The following CCDC171 variants were observed in gnomAD, a reference collection of about 807,000 sequenced individuals.
The protein encoded by CCDC171 is coiled-coil domain containing 171, also known as coiled-coil domain-containing protein 171.
In CCDC171, 177 loss-of-function variants were observed where a neutral mutation model predicts 168.2. The observed-to-expected ratio is 1.05, with a 90% CI of 0.93 to 1.19. The LOEUF is 1.19. Among genes scored for constraint, CCDC171 ranks in the 50% most tolerant of loss-of-function variants. CCDC171 has a pLI of 0.00. For missense variants in CCDC171, 1,991 were observed against 1,539.0 expected (o/e 1.29, Z -4.91); for synonymous variants, 687 against 540.8 (o/e 1.27, Z -3.75).
chr9:15,760,146 T>G (rs899419683), intron 18 of CCDC171, among the ~76,000 whole-genome samples: 23 of 152,176 alleles, frequency 1.5e-4, no homozygotes, highest in Non-Finnish European at 8.8e-5. Context: ...GAGAACTTGC[T>G]AAAAATTTAA....
At chr9:15,654,222 A>G (rs1198784208) in intron 7 of CCDC171, among the ~76,000 whole-genome samples, 9 of 152,120 alleles carry the variant, frequency 5.9e-5, no homozygotes, top group Admixed American at 4.6e-4. Context: ...AACCAAAACT[A>G]TTTTCTAGTA....
chr9:15,965,389 G>A (rs1051619422), intron 25 of CCDC171, among the ~76,000 whole-genome samples: 2 of 152,104 alleles, frequency 1.3e-5, no homozygotes, highest in Admixed American at 6.5e-5. Flanking sequence ...TATCTTCTTT[G>A]GGCAACATGG....
At chr9:15,660,955 C>T (rs551666806) in intron 8 of CCDC171, among the ~76,000 whole-genome samples, 1 of 152,308 alleles carries the variant, frequency 6.6e-6, no homozygotes, top group African/African-American at 2.4e-5. Context: ...ATAAACATTT[C>T]CTTTTCTCAG....
intron 7 of CCDC171, among the ~76,000 whole-genome samples, chr9:15,642,113 A>T (rs1474252710): frequency 6.6e-6 from 1 of 151,686 alleles, no homozygotes; most frequent in Admixed American, 6.6e-5. Flanking sequence ...GTGAGCTGAG[A>T]TTGCACCACT....
At chr9:15,676,272 G>A (rs560725248) in intron 9 of CCDC171, among the ~76,000 whole-genome samples, 15 of 151,994 alleles carry the variant, frequency 9.9e-5, no homozygotes, top group Non-Finnish European at 1.0e-4. Context: ...TTAGCCGTTC[G>A]CCTGACCTTT....
At chr9:16,048,387 T>G (rs1833694801) in intron 1 of CCDC171, among the ~76,000 whole-genome samples, 2 of 152,154 alleles carry the variant, frequency 1.3e-5, no homozygotes, top group South Asian at 4.1e-4. Flanking sequence ...GCAGGTTGCC[T>G]TGGAAGGTCC....
At chr9:16,094,708 C>G in the CCDC171 span, among the ~76,000 whole-genome samples, 2 of 152,130 alleles carry the variant, frequency 1.3e-5, no homozygotes, top group Non-Finnish European at 2.9e-5. Flanking sequence ...TTCTACAAAA[C>G]TAATATTAAA....
At chr9:15,920,074 C>G (rs1300263910) in intron 24 of CCDC171, among the ~76,000 whole-genome samples, 196 bp from the exon 25 acceptor site, 1 of 151,642 alleles carries the variant, frequency 6.6e-6, no homozygotes, top group African/African-American at 2.4e-5. Context: ...AATGAAGTCT[C>G]AATTATTTTC....
intron 24 of CCDC171, among the ~76,000 whole-genome samples, chr9:15,910,426 A>G (rs543564957): frequency 7.1e-4 from 108 of 152,088 alleles, no homozygotes; most frequent in African/African-American, 2.5e-3. Context: ...ATTGATCTGT[A>G]TGTCTGTTTT....
intron 9 of CCDC171, among the ~76,000 whole-genome samples, chr9:15,672,704 G>T (rs543921029): frequency 6.6e-6 from 1 of 152,204 alleles, no homozygotes; most frequent in South Asian, 2.1e-4. Context: ...TGTTCCATTG[G>T]TCTATATATC....
intron 3 of CCDC171, among the ~76,000 whole-genome samples, chr9:15,990,460 A>G (rs1326751525): frequency 6.6e-6 from 1 of 152,238 alleles, no homozygotes; most frequent in East Asian, 1.9e-4. Flanking sequence ...AGTACCAGCC[A>G]CTGCAAAAAC....
At chr9:15,992,898 G>C (rs1422329178) in intron 3 of CCDC171, among the ~76,000 whole-genome samples, 2 of 152,082 alleles carry the variant, frequency 1.3e-5, no homozygotes, top group African/African-American at 4.8e-5. Flanking sequence ...GGATGTGAAG[G>C]ACCTCTTCAT....
chr9:15,902,440 T>C (rs561671065), intron 24 of CCDC171, among the ~76,000 whole-genome samples: 1 of 152,322 alleles, frequency 6.6e-6, no homozygotes, highest in Non-Finnish European at 1.5e-5. Flanking sequence ...AGGCAAAATT[T>C]AAATTACAAC....
At chr9:15,813,372 A>G (rs1043803488) in intron 21 of CCDC171, among the ~76,000 whole-genome samples, 3 of 152,234 alleles carry the variant, frequency 2.0e-5, no homozygotes, top group Non-Finnish European at 4.4e-5. Flanking sequence ...GGTGACAACT[A>G]AACACCAGTC....
intron 21 of CCDC171, among the ~76,000 whole-genome samples, chr9:15,809,819 G>T (rs1295203105): frequency 1.3e-5 from 2 of 152,190 alleles, no homozygotes; most frequent in African/African-American, 4.8e-5. Context: ...CGAACGGGTT[G>T]CCACTGCTGC....
rs1396495723 is a variant in CCDC171, at chr9:15,744,639, A to G, written c.2416A>G (p.Ile806Val). 1 of 1,614,178 alleles carries G rather than the reference A, an allele frequency of 6.2e-7. No homozygotes were observed. Among genetic ancestry groups the G allele is most frequent in the Admixed American group, 1.7e-5 (1 of 60,018 alleles). Residue 806 changes from isoleucine (I) to valine (V), a missense_variant, in exon 17 of 26, where the codon ATT (isoleucine) becomes GTT (valine). Physicochemically the swap from Ile to Val is conservative, Grantham distance 29. Transcript: ENST00000380701. ...GATACGTATATTTCGGAAAGGTGTT[A>G]TTGCTGTTTTGGCAGCAAACAGACT... ...GLIRIFRKGV[I>V]AVLAANRLKI...
At chr9:15,943,328 T>G (rs1183946363) in intron 25 of CCDC171, among the ~76,000 whole-genome samples, 1 of 152,016 alleles carries the variant, frequency 6.6e-6, no homozygotes, top group Non-Finnish European at 1.5e-5. Flanking sequence ...ATTTATGATT[T>G]AGAACTTATG....
In CCDC171 at chr9:15,563,876, C is replaced by T. The variant is rs1390302162; in HGVS notation, c.-111-102C>T. 3 of 508,186 alleles carry T rather than the reference C, an allele frequency of 5.9e-6. No homozygotes were observed. In the Admixed American group the frequency reaches 1.1e-4, roughly 19 times the overall value. 31.5% of individuals were successfully genotyped at this position (508,186 alleles called of 1,614,324 possible). A position where few individuals can be genotyped will look rare whatever the true frequency, so the allele number is the denominator to read the frequency against. ...ATATCTCTATACACCTACAATTTCA[C>T]TTATCAATTATTACATCTTTCCAAA... On this transcript the variant is annotated intron_variant, in intron 1 of 25. Coordinates refer to ENST00000380701, the MANE Select transcript of CCDC171 (RefSeq NM_173550.4).
At chr9:15,784,968 A>C (rs1281185127) in intron 21 of CCDC171, among the ~76,000 whole-genome samples, 1 of 152,070 alleles carries the variant, frequency 6.6e-6, no homozygotes, top group African/African-American at 2.4e-5. Flanking sequence ...ATTAACAATA[A>C]ATTTTTGTTT....
Sources: gnomAD v4.1 joint callset for allele counts (sites outside exome capture counted in the v4.1 genomes callset) on GRCh38, gnomAD v4.1.1 for gene constraint, MANE v1.5 for transcripts, NCBI Gene and HGNC (gene_info 2026-07-23, HGNC 2026-07-21) for gene names.